The following TACR1 variants were observed in gnomAD, a reference collection of about 807,000 sequenced individuals.
TACR1 encodes the protein substance-P receptor.
A neutral mutation model predicts 35.8 loss-of-function variants in TACR1; 25 were observed. The ratio of observed to expected loss-of-function variants is 0.70; its 90% CI spans 0.51 to 0.98. The LOEUF is 0.98. Among genes scored for constraint, TACR1 ranks in the 50% least tolerant of loss-of-function variants. The pLI, the probability that TACR1 is intolerant of heterozygous loss-of-function variation, is 0.00. For missense variants in TACR1, 478 were observed against 522.9 expected, an observed-to-expected ratio of 0.91 and a Z score of 0.84; for synonymous variants, 195 against 206.7, an observed-to-expected ratio of 0.94 and a Z score of 0.48.
intron 1 of TACR1, among the ~76,000 whole-genome samples, chr2:75,180,910 A>C (rs1675544790): frequency 6.6e-6 from 1 of 152,200 alleles, no homozygotes; most frequent in African/African-American, 2.4e-5. Context: ...TCTACAGTGG[A>C]TATTGCAGAC....
intron 1 of TACR1, among the ~76,000 whole-genome samples, chr2:75,153,403 G>GA (rs1382711424): frequency 6.6e-6 from 1 of 151,806 alleles, no homozygotes; most frequent in Non-Finnish European, 1.5e-5. Flanking sequence ...CACCTAAGTG[G>GA]GTGACTGAGC....
chr2:75,145,468 T>TA (rs1265394988), intron 1 of TACR1, among the ~76,000 whole-genome samples: 1 of 152,132 alleles, frequency 6.6e-6, no homozygotes, highest in African/African-American at 2.4e-5. Flanking sequence ...ATAGCTTATC[T>TA]AAAAAACCAA....
chr2:75,071,218 A>G (rs1285182915), intron 2 of TACR1, among the ~76,000 whole-genome samples: 1 of 152,194 alleles, frequency 6.6e-6, no homozygotes, highest in African/African-American at 2.4e-5. Flanking sequence ...GGAAAAATCT[A>G]AAGTCATCCT....
chr2:75,059,860 A>C (rs1462569762), intron 2 of TACR1, among the ~76,000 whole-genome samples: 3 of 152,072 alleles, frequency 2.0e-5, no homozygotes, highest in African/African-American at 7.2e-5. Context: ...TCTCCTTCTC[A>C]CAGCATGGTG....
At chr2:75,071,004 A>G (rs749337760) in intron 2 of TACR1, among the ~76,000 whole-genome samples, 1 of 152,260 alleles carries the variant, frequency 6.6e-6, no homozygotes, top group Non-Finnish European at 1.5e-5. Context: ...ATGGCATGTA[A>G]AAATTACAAA....
Position 75,049,736 on chromosome 2 carries a change from C to T in TACR1, c.933-13G>A, listed in dbSNP as rs774564624. The T allele has an allele frequency of 1.2e-6, 2 of 1,608,220 alleles. No individual in the cohort carries two copies. Among genetic ancestry groups the T allele is most frequent in the South Asian group, 1.1e-5 (1 of 90,196 alleles). On this transcript the variant is annotated splice_polypyrimidine_tract_variant and intron_variant, in intron 4 of 4. Transcript: ENST00000305249. ...GCCCAGACGGAACCTGGAGAGCGAG[C>T]AGATGAAGAGGTGACCCTTTGGGAC...
intron 2 of TACR1, among the ~76,000 whole-genome samples, chr2:75,070,162 G>C (rs1257800007): frequency 1.3e-5 from 2 of 151,416 alleles, no homozygotes; most frequent in African/African-American, 4.9e-5. Flanking sequence ...TGCTCTAATT[G>C]CTTCAACTTT....
intron 2 of TACR1, among the ~76,000 whole-genome samples, chr2:75,091,190 G>A (rs971579742): frequency 3.0e-5 from 4 of 132,128 alleles, no homozygotes; most frequent in Non-Finnish European, 6.2e-5. Flanking sequence ...TTTCTTATGG[G>A]CTCGTAGGTG....
At chr2:75,195,389 C>T (rs1249261265) in intron 1 of TACR1, among the ~76,000 whole-genome samples, 1 of 137,016 alleles carries the variant, frequency 7.3e-6, no homozygotes, top group East Asian at 2.1e-4. Flanking sequence ...CCTTCTCCTA[C>T]CTTCCCTTCC....
chr2:75,186,359 A>C (rs940860139), intron 1 of TACR1, among the ~76,000 whole-genome samples: 1 of 142,124 alleles, frequency 7.0e-6, no homozygotes, highest in Admixed American at 7.2e-5. Context: ...GCAACACAGC[A>C]AGACTCTGTC....
At chr2:75,060,991 G>T (rs1028889298) in intron 2 of TACR1, among the ~76,000 whole-genome samples, 1 of 152,182 alleles carries the variant, frequency 6.6e-6, no homozygotes, top group Non-Finnish European at 1.5e-5. Flanking sequence ...GAACAGGCTT[G>T]TCGGGCAAAG....
At chr2:75,167,062 T>C (rs1267424664) in intron 1 of TACR1, among the ~76,000 whole-genome samples, 1 of 152,120 alleles carries the variant, frequency 6.6e-6, no homozygotes, top group East Asian at 1.9e-4. Flanking sequence ...AAAATATTTT[T>C]CCACACTTAG....
intron 2 of TACR1, among the ~76,000 whole-genome samples, chr2:75,090,440 C>T (rs1673286510): frequency 6.6e-6 from 1 of 152,190 alleles, no homozygotes; most frequent in Admixed American, 6.5e-5. Context: ...TCTCTGAAGC[C>T]TGCTAGCTAA....
At chr2:75,095,138 G>C (rs1673393626) in intron 2 of TACR1, among the ~76,000 whole-genome samples, 1 of 151,954 alleles carries the variant, frequency 6.6e-6, no homozygotes. Context: ...TTAGTACATG[G>C]TAAGCTTTCT....
chr2:75,143,742 C>A (rs1417344072), intron 1 of TACR1, among the ~76,000 whole-genome samples: 2 of 152,152 alleles, frequency 1.3e-5, no homozygotes, highest in Non-Finnish European at 2.9e-5. Flanking sequence ...TTGCACCAAC[C>A]TAATAGTATT....
At chr2:75,181,088 T>C (rs529995860) in intron 1 of TACR1, among the ~76,000 whole-genome samples, 2 of 152,290 alleles carry the variant, frequency 1.3e-5, no homozygotes, top group Admixed American at 6.5e-5. Context: ...GCCTACTAAA[T>C]CTTCCAATTC....
At chr2:75,153,185 G>A (rs1674712722) in intron 1 of TACR1, among the ~76,000 whole-genome samples, 1 of 152,250 alleles carries the variant, frequency 6.6e-6, no homozygotes, top group Non-Finnish European at 1.5e-5. Flanking sequence ...ACAGGCGTGA[G>A]CCACTGCACC....
At chr2:75,053,409 C>T (rs1353990545) in intron 3 of TACR1, among the ~76,000 whole-genome samples, 196 bp downstream of exon 3, 2 of 152,052 alleles carry the variant, frequency 1.3e-5, no homozygotes, top group Non-Finnish European at 2.9e-5. Flanking sequence ...TAAGAGCAAG[C>T]GAAGTGGCTC....
At chr2:75,139,919 T>C (rs1461258783) in intron 1 of TACR1, among the ~76,000 whole-genome samples, 1 of 152,118 alleles carries the variant, frequency 6.6e-6, no homozygotes, top group Non-Finnish European at 1.5e-5. Context: ...AAAATAGAAA[T>C]AAAAATGTAG....
Sources: gnomAD v4.1 joint callset for allele counts (sites outside exome capture counted in the v4.1 genomes callset) on GRCh38, gnomAD v4.1.1 for gene constraint, MANE v1.5 for transcripts, NCBI Gene and HGNC (gene_info 2026-07-23, HGNC 2026-07-21) for gene names.